The following PREX2 variants were observed in gnomAD, a reference collection of about 807,000 sequenced individuals.
The protein encoded by PREX2 is phosphatidylinositol-3,4,5-trisphosphate dependent Rac exchange factor 2.
Under a neutral mutation model 203.2 loss-of-function variants are expected in PREX2, and 107 were observed. The ratio of observed to expected loss-of-function variants is 0.53; its 90% CI spans 0.45 to 0.62. The LOEUF (loss-of-function observed/expected upper bound fraction) is 0.62, where lower values mean the gene tolerates loss of function less well. Among genes scored for constraint, PREX2 ranks in the 20% least tolerant of loss-of-function variants. The probability of loss-of-function intolerance (pLI) is 0.00; values close to 1 mark genes in which losing one functional copy is unlikely to be tolerated. For synonymous variants in PREX2, 672 were observed against 663.6 expected, an observed-to-expected ratio of 1.01 and a Z score of -0.19; for missense variants, 1,777 against 1,955.9, an observed-to-expected ratio of 0.91 and a Z score of 1.72.
chr8:68,081,205 A>T (rs974657640), intron 17 of PREX2, among the ~76,000 whole-genome samples: 1 of 152,180 alleles, frequency 6.6e-6, no homozygotes, highest in African/African-American at 2.4e-5. Context: ...TTAGAGTGTC[A>T]TAAGGTATGG....
intron 8 of PREX2, among the ~76,000 whole-genome samples, chr8:68,047,087 A>G (rs944478611): frequency 6.6e-6 from 1 of 152,004 alleles, no homozygotes; most frequent in African/African-American, 2.4e-5. Flanking sequence ...TTTGTGACAT[A>G]GAGAAGGACC....
Position 68,236,873 on chromosome 8 carries a change from A to G in PREX2, c.*5495A>G, listed in dbSNP as rs1395177996. 1.3e-5 allele frequency: 2 copies of G among 152,114 alleles called. No homozygotes were observed. The highest frequency in any genetic ancestry group is 1.3e-4 in the Admixed American group (2 of 15,264). The allele number at this position is 152,114 out of a possible 1,614,324, so 9.4% of individuals were successfully genotyped here. A position where few individuals can be genotyped will look rare whatever the true frequency, so the allele number is the denominator to read the frequency against. ...TCTTTTTTTCCTTTGTAAAATATCCATGTAACATAGCTTCCATTACTCCAT... is the reference window on the plus strand; with the variant it reads ...TCTTTTTTTCCTTTGTAAAATATCCGTGTAACATAGCTTCCATTACTCCAT... On this transcript the variant is annotated 3_prime_UTR_variant, in exon 40 of 40. Transcript: ENST00000288368.
In PREX2 at chr8:68,090,682, T is replaced by C. The variant is rs781307004; in HGVS notation, c.2217T>C (p.Val739=). 6.2e-7 allele frequency: 1 copy of C among 1,613,990 alleles called. No homozygotes were observed. The highest frequency in any genetic ancestry group is 1.7e-5 in the Admixed American group (1 of 60,012). Residue 739 remains valine, a synonymous_variant, in exon 20 of 40, where the codon GTT becomes GTC. Transcript: ENST00000288368. ...KETHASVIAH[V]TACRKYRRPT... ...CACATGCCAGTGTCATTGCACACGT[T>C]ACAGCCTGCAGGAAGTACAGGCGGC...
chr8:68,018,336 A>C (rs941681739), intron 2 of PREX2, among the ~76,000 whole-genome samples: 1 of 152,076 alleles, frequency 6.6e-6, no homozygotes, highest in Non-Finnish European at 1.5e-5. Context: ...CCATGGTAGC[A>C]CATGCGTGTA....
intron 39 of PREX2, 56 bp from the exon 40 acceptor site, chr8:68,231,277 C>T (rs1308086805): frequency 1.5e-6 from 2 of 1,290,826 alleles, no homozygotes; most frequent in Non-Finnish European, 2.1e-6. Context: ...AATAAAGACA[C>T]CTCATGTAAT....
intron 37 of PREX2, among the ~76,000 whole-genome samples, chr8:68,195,582 A>T (rs1036704987): frequency 1.3e-5 from 2 of 152,192 alleles, no homozygotes; most frequent in African/African-American, 4.8e-5. Flanking sequence ...GCTGTTCCTA[A>T]AATAGTCCTT....
At chr8:68,212,894 A>C (rs1812766778) in intron 37 of PREX2, among the ~76,000 whole-genome samples, 1 of 152,220 alleles carries the variant, frequency 6.6e-6, no homozygotes, top group African/African-American at 2.4e-5. Flanking sequence ...CATATGAACC[A>C]TAAATTTGAG....
chr8:68,028,964 G>A (rs1034648817), intron 5 of PREX2, among the ~76,000 whole-genome samples: 10 of 151,892 alleles, frequency 6.6e-5, no homozygotes, highest in South Asian at 2.1e-4. Flanking sequence ...CCTCCTTTCC[G>A]TTTTCTGGTA....
rs1811369607 is a variant in PREX2, at chr8:68,148,405, CTCT to C, written c.4231+2058_4231+2060del. Among the ~76,000 whole-genome samples the C allele has an allele frequency of 2.6e-5, 4 of 152,212 alleles. No homozygotes were observed. The South Asian group carries it at 8.3e-4, about 32-fold the overall frequency. ...TATTTCTCTCTTTTCCTTTATTTCT[CTCT>C]TCTTAAAAATTTTGACTTTGAAATT... is the stretch of plus-strand genomic sequence containing the variant. On this transcript the variant is annotated intron_variant, in intron 34 of 39. Coordinates refer to ENST00000288368, the MANE Select transcript of PREX2 (RefSeq NM_024870.4).
chr8:68,214,895 T>C (rs903523285), intron 37 of PREX2, among the ~76,000 whole-genome samples: 4 of 152,234 alleles, frequency 2.6e-5, no homozygotes, highest in African/African-American at 9.6e-5. Flanking sequence ...TTTTACTTTT[T>C]TAAAATTTCA....
Position 68,235,477 on chromosome 8 carries a change from G to A in PREX2, c.*4099G>A, listed in dbSNP as rs2129615772. ...ATATATACTAACCAATTTGCTAAAT[G>A]AATTGTCGGTTGTCCTGCTTAAGTA... On this transcript the variant is annotated 3_prime_UTR_variant, in exon 40 of 40. Transcript: ENST00000288368. The A allele has an allele frequency of 6.6e-6, 1 of 152,240 alleles. No individual in the cohort carries two copies. Among genetic ancestry groups the A allele is most frequent in the East Asian group, 1.9e-4 (1 of 5,184 alleles). 9.4% of individuals were successfully genotyped at this position (152,240 alleles called of 1,614,324 possible).
intron 1 of PREX2, among the ~76,000 whole-genome samples, chr8:67,975,272 GTTTTTTTTTTT>G (rs75276095): frequency 8.3e-5 from 8 of 96,822 alleles, no homozygotes; most frequent in African/African-American, 1.4e-4. Context: ...CACACGGCCT[GTTTTTTTTTTT>G]TTTTTTTTTT....
At chr8:68,139,740 A>G (rs1811188923) in intron 33 of PREX2, among the ~76,000 whole-genome samples, 1 of 152,220 alleles carries the variant, frequency 6.6e-6, no homozygotes, top group Non-Finnish European at 1.5e-5. Flanking sequence ...ATAGAACAGA[A>G]TATTATTAAA....
chr8:67,970,649 G>C (rs1012264087), intron 1 of PREX2, among the ~76,000 whole-genome samples: 17 of 152,188 alleles, frequency 1.1e-4, no homozygotes, highest in African/African-American at 4.1e-4. Flanking sequence ...TTGATCAAGA[G>C]GTAATCCTCT....
intron 1 of PREX2, among the ~76,000 whole-genome samples, chr8:67,990,099 C>A (rs1806553558): frequency 6.6e-6 from 1 of 152,042 alleles, no homozygotes; most frequent in African/African-American, 2.4e-5. Flanking sequence ...GAGTCTTGTG[C>A]CTCAGCCTCC....
intron 37 of PREX2, among the ~76,000 whole-genome samples, chr8:68,198,315 G>T (rs1010028492): frequency 6.6e-6 from 1 of 152,046 alleles, no homozygotes; most frequent in Non-Finnish European, 1.5e-5. Flanking sequence ...ACTAAGACTT[G>T]TGCTATTTAT....
At chr8:68,095,736 A>C (rs999907678) in intron 21 of PREX2, among the ~76,000 whole-genome samples, 1 of 151,240 alleles carries the variant, frequency 6.6e-6, no homozygotes, top group African/African-American at 2.4e-5. Context: ...TTCTGGGCTG[A>C]AGTGATCCGC....
At chr8:68,104,267 T>C (rs1468230563) in intron 23 of PREX2, among the ~76,000 whole-genome samples, 5 of 152,246 alleles carry the variant, frequency 3.3e-5, no homozygotes, top group African/African-American at 1.2e-4. Flanking sequence ...ACAGTTGTCC[T>C]GAGTGGCTGT....
At chr8:68,089,243 T>G (rs1161939308) in intron 19 of PREX2, among the ~76,000 whole-genome samples, 1 of 150,068 alleles carries the variant, frequency 6.7e-6, no homozygotes, top group Non-Finnish European at 1.5e-5. Context: ...ATTGAATTAG[T>G]GTCTCCCAAT....
Sources: gnomAD v4.1 joint callset for allele counts (sites outside exome capture counted in the v4.1 genomes callset) on GRCh38, gnomAD v4.1.1 for gene constraint, MANE v1.5 for transcripts, NCBI Gene and HGNC (gene_info 2026-07-23, HGNC 2026-07-21) for gene names.